PRMT8: variants seen among roughly 807,000 people sequenced by gnomAD.
PRMT8 encodes the protein protein arginine methyltransferase 8, also known as protein arginine N-methyltransferase 8.
Under a neutral mutation model 47.1 loss-of-function variants are expected in PRMT8, and 7 were observed. The ratio of observed to expected loss-of-function variants is 0.15; its 90% CI spans 0.08 to 0.28. The LOEUF (loss-of-function observed/expected upper bound fraction) is 0.28, where lower values mean the gene tolerates loss of function less well. Ranked by LOEUF, PRMT8 falls within the 10% of genes least tolerant of loss-of-function variation. The pLI is 1.00. For missense variants in PRMT8, 237 were observed against 505.4 expected (o/e 0.47, Z 5.09); for synonymous variants, 188 against 186.5 (o/e 1.01, Z -0.07).
chr12:3,495,043 T>C (rs1020985489), intron 1 of PRMT8, among the ~76,000 whole-genome samples: 2 of 152,306 alleles, frequency 1.3e-5, no homozygotes, highest in African/African-American at 4.8e-5. Context: ...CCCTGTTCCC[T>C]AGGTGTCATG....
chr12:3,411,185 G>C (rs1864426093), intron 1 of PRMT8, among the ~76,000 whole-genome samples: 1 of 152,136 alleles, frequency 6.6e-6, no homozygotes. Flanking sequence ...CCTCCATTTT[G>C]GTTACAGCAG....
chr12:3,567,660 A>G (rs777330415), intron 4 of PRMT8, among the ~76,000 whole-genome samples: 42 of 152,334 alleles, frequency 2.8e-4, no homozygotes, highest in Middle Eastern at 6.8e-3. Context: ...CGACTACCAC[A>G]GGGGTTAGGG....
chr12:3,416,240 T>C (rs1053250986), intron 1 of PRMT8, among the ~76,000 whole-genome samples: 3 of 152,210 alleles, frequency 2.0e-5, no homozygotes, highest in Admixed American at 6.5e-5. Context: ...GGTTTGTGTC[T>C]TTGCTGACAT....
At chr12:3,517,132 A>G (rs1865805824) in intron 1 of PRMT8, among the ~76,000 whole-genome samples, 1 of 152,216 alleles carries the variant, frequency 6.6e-6, no homozygotes, top group Non-Finnish European at 1.5e-5. Context: ...GAACTGGGGG[A>G]GGGACCTGTG....
At chr12:3,539,799 T>C (rs1265609345) in intron 1 of PRMT8, among the ~76,000 whole-genome samples, 1 of 152,106 alleles carries the variant, frequency 6.6e-6, no homozygotes, top group Non-Finnish European at 1.5e-5. Flanking sequence ...ATAGCAATAA[T>C]TGGTTGTGTG....
intron 1 of PRMT8, among the ~76,000 whole-genome samples, chr12:3,458,146 T>G: frequency 6.6e-6 from 1 of 152,204 alleles, no homozygotes; most frequent in East Asian, 1.9e-4. Context: ...CCAGTTTGCC[T>G]TTTGTTCCCC....
intron 1 of PRMT8, among the ~76,000 whole-genome samples, chr12:3,462,448 C>A (rs1865052240): frequency 6.6e-6 from 1 of 151,984 alleles, no homozygotes; most frequent in Admixed American, 6.5e-5. Flanking sequence ...GAATGACTTG[C>A]TACTCATTGT....
intron 1 of PRMT8, among the ~76,000 whole-genome samples, chr12:3,525,215 C>T (rs1302314857): frequency 4.0e-5 from 6 of 151,776 alleles, no homozygotes; most frequent in African/African-American, 1.5e-4. Flanking sequence ...GAGTGAGACT[C>T]TGTCTCAAAA....
At chr12:3,481,044 G>A (rs1371881647) in intron 1 of PRMT8, among the ~76,000 whole-genome samples, 1 of 152,182 alleles carries the variant, frequency 6.6e-6, no homozygotes, top group African/African-American at 2.4e-5. Flanking sequence ...CTGATTTGAA[G>A]GTGGGTCCAC....
chr12:3,531,847 T>C (rs898045203), intron 1 of PRMT8, among the ~76,000 whole-genome samples: 4 of 152,218 alleles, frequency 2.6e-5, no homozygotes, highest in Non-Finnish European at 5.9e-5. Flanking sequence ...CCAGATGTCC[T>C]TGGCCCGGCT....
intron 1 of PRMT8, among the ~76,000 whole-genome samples, chr12:3,413,713 C>T (rs780752612): frequency 4.0e-5 from 6 of 151,836 alleles, no homozygotes; most frequent in Non-Finnish European, 8.8e-5. Flanking sequence ...ATTCCATATG[C>T]GGTGTGTCGT....
In PRMT8 at chr12:3,566,080, A is replaced by T. The variant is rs1260015805; in HGVS notation, c.482-2626A>T. ...AGACATTAGGGAAGAACCTTCAAGAAACGTGCAAAGAAAAAAAAGTAAGGG... is the reference window on the plus strand; with the variant it reads ...AGACATTAGGGAAGAACCTTCAAGATACGTGCAAAGAAAAAAAAGTAAGGG... On this transcript the variant is annotated intron_variant, in intron 4 of 9. Transcript: ENST00000382622. The surrounding 1 kb of genome is among the most constrained non-coding windows in gnomAD (Gnocchi z 4.7). Among the ~76,000 whole-genome samples the T allele has an allele frequency of 6.6e-6, 1 of 152,230 alleles. No individual in the cohort carries two copies. The highest frequency in any genetic ancestry group is 1.5e-5 in the Non-Finnish European group (1 of 68,040).
At chr12:3,548,552 T>A (rs1034205117) in intron 2 of PRMT8, among the ~76,000 whole-genome samples, 1 of 151,680 alleles carries the variant, frequency 6.6e-6, no homozygotes, top group Admixed American at 6.6e-5. Flanking sequence ...AGATGATACA[T>A]GTGAATAGCC....
intron 1 of PRMT8, among the ~76,000 whole-genome samples, chr12:3,513,804 A>G (rs1467847931): frequency 6.6e-6 from 1 of 152,248 alleles, no homozygotes; most frequent in Non-Finnish European, 1.5e-5. Flanking sequence ...CCAGTCTTGG[A>G]AAAATGTTTA....
At position 3,569,632 on chromosome 12, in the gene PRMT8, C is replaced by A; in HGVS notation, c.712+68C>A. On this transcript the variant is annotated intron_variant, in intron 6 of 9. Transcript: ENST00000382622. This position sits in a 1 kb window ranked among gnomAD's most constrained non-coding sequence, Gnocchi z 8.2. ...TTGGGGTGGGAGGCACTCCAGTGGG[C>A]CCGAGATGAGCAGGCAGTGACATGA... The A allele has an allele frequency of 7.9e-7, 1 of 1,270,162 alleles. No homozygotes were observed. Among genetic ancestry groups the A allele is most frequent in the Non-Finnish European group, 1.2e-6 (1 of 866,966 alleles). 78.7% of individuals were successfully genotyped at this position (1,270,162 alleles called of 1,614,324 possible).
chr12:3,571,941 A>T (rs754092345), intron 6 of PRMT8, among the ~76,000 whole-genome samples: 13 of 152,202 alleles, frequency 8.5e-5, no homozygotes, highest in Non-Finnish European at 1.5e-4. Context: ...ACCAGCTAAG[A>T]AGGAAAAATT....
At chr12:3,438,833 C>T (rs1408054379) in intron 1 of PRMT8, among the ~76,000 whole-genome samples, 1 of 152,042 alleles carries the variant, frequency 6.6e-6, no homozygotes, top group East Asian at 1.9e-4. Context: ...TGTTCTTTGC[C>T]CTTTGGGATT....
intron 4 of PRMT8, among the ~76,000 whole-genome samples, chr12:3,558,363 G>A (rs1866563958): frequency 6.6e-6 from 1 of 152,132 alleles, no homozygotes; most frequent in African/African-American, 2.4e-5. Flanking sequence ...AGTGGTTGAT[G>A]CAATGCTCCG....
chr12:3,562,491 T>C (rs111245772), intron 4 of PRMT8, among the ~76,000 whole-genome samples: 51 of 151,970 alleles, frequency 3.4e-4, no homozygotes, highest in African/African-American at 1.2e-3. Flanking sequence ...CACAACATCA[T>C]CACAAACTGT....
Sources: gnomAD v4.1 joint callset for allele counts (sites outside exome capture counted in the v4.1 genomes callset) on GRCh38, gnomAD v4.1.1 for gene constraint, Gnocchi (gnomAD v3.1) non-coding constraint, MANE v1.5 for transcripts, NCBI Gene and HGNC (gene_info 2026-07-23, HGNC 2026-07-21) for gene names.